Variants in UBE2E2 observed in about 807,000 individuals in gnomAD.
UBE2E2 encodes the protein ubiquitin-conjugating enzyme E2 E2.
UBE2E2 carries 6 observed loss-of-function variants against 24.7 expected under a neutral mutation model. The ratio of observed to expected loss-of-function variants is 0.24; its 90% CI spans 0.13 to 0.48. The LOEUF (loss-of-function observed/expected upper bound fraction) is 0.48. Among genes scored for constraint, UBE2E2 ranks in the 20% least tolerant of loss-of-function variants. The probability of loss-of-function intolerance (pLI) is 0.99; values close to 1 mark genes in which losing one functional copy is unlikely to be tolerated. For synonymous variants in UBE2E2, 104 were observed against 83.6 expected (o/e 1.24, Z -1.33); for missense variants, 169 against 245.0 (o/e 0.69, Z 2.07).
At chr3:23,257,515 C>G (rs1381640684) in intron 3 of UBE2E2, among the ~76,000 whole-genome samples, 1 of 5,640 alleles carries the variant, frequency 1.8e-4, no homozygotes, top group South Asian at 0.017. Context: ...TTCCCGTGCC[C>G]CCCCCCCCCC....
chr3:23,279,017 A>G (rs942136097), intron 3 of UBE2E2, among the ~76,000 whole-genome samples: 4 of 152,144 alleles, frequency 2.6e-5, no homozygotes, highest in Non-Finnish European at 5.9e-5. Flanking sequence ...ATTTATGTTC[A>G]TTTTACTGAT....
At chr3:23,352,639 A>G (rs1380877145) in intron 3 of UBE2E2, among the ~76,000 whole-genome samples, 1 of 152,230 alleles carries the variant, frequency 6.6e-6, no homozygotes, top group Non-Finnish European at 1.5e-5. Flanking sequence ...TCTAGAAGAA[A>G]TGGATAAATT....
At chr3:23,545,284 A>G (rs1307465242) in intron 5 of UBE2E2, among the ~76,000 whole-genome samples, 2 of 152,144 alleles carry the variant, frequency 1.3e-5, no homozygotes, top group Non-Finnish European at 2.9e-5. Flanking sequence ...TCACATGGAG[A>G]GAAACCTTGG....
chr3:23,465,472 A>G (rs1698901521), intron 3 of UBE2E2, among the ~76,000 whole-genome samples: 2 of 152,252 alleles, frequency 1.3e-5, no homozygotes, highest in South Asian at 2.1e-4. Context: ...AAAGGGACCA[A>G]TAGCCTTTGC....
At position 23,587,303 on chromosome 3, in the gene UBE2E2, T is replaced by G. The variant is rs117337496; in HGVS notation, c.509-2431T>G. Among the ~76,000 whole-genome samples the G allele has an allele frequency of 1.4e-4, 21 of 152,324 alleles. 1 individual carries two copies. The East Asian group carries it at 3.7e-3, about 27-fold the overall frequency. On this transcript the variant is annotated intron_variant, in intron 5 of 5. Transcript: ENST00000396703. ...CACATTTTCCCACCCCACAGCTTCTTGTTCCCTTTATTCTTCATTTGTTTC... is the reference window on the plus strand; with the variant it reads ...CACATTTTCCCACCCCACAGCTTCTGGTTCCCTTTATTCTTCATTTGTTTC...
At chr3:23,247,911 A>T (rs776900248) in intron 3 of UBE2E2, among the ~76,000 whole-genome samples, 1 of 152,230 alleles carries the variant, frequency 6.6e-6, no homozygotes, top group African/African-American at 2.4e-5. Flanking sequence ...TAGCAACTCT[A>T]AAGACTGAGT....
chr3:23,347,522 G>C (rs1695596491), intron 3 of UBE2E2, among the ~76,000 whole-genome samples: 1 of 152,038 alleles, frequency 6.6e-6, no homozygotes, highest in African/African-American at 2.4e-5. Context: ...ATGGACACAG[G>C]GAGGGGAATA....
At chr3:23,342,585 A>G (rs1039484584) in intron 3 of UBE2E2, among the ~76,000 whole-genome samples, 1 of 152,196 alleles carries the variant, frequency 6.6e-6, no homozygotes, top group Non-Finnish European at 1.5e-5. Context: ...TATAGAATGC[A>G]CATGCATTCT....
In UBE2E2 at chr3:23,342,187, G is replaced by GT. The variant is rs71620774; in HGVS notation, c.227+124890dup. 9.9e-3 allele frequency among the ~76,000 whole-genome samples: 1,406 copies of GT among 141,574 alleles called. 8 individuals are homozygous for GT. Among genetic ancestry groups the GT allele is most frequent in the African/African-American group, 0.018 (686 of 38,770 alleles). The allele number at this position is 141,574 out of a possible 152,430, so 92.9% of individuals were successfully genotyped here. ...ATGGGGGGTACTTTGATTTAGTTTA[G>GT]TTTTTTTTTTTTTTTGAGACAGGGT... On this transcript the variant is annotated intron_variant, in intron 3 of 5. Coordinates refer to ENST00000396703, the MANE Select transcript of UBE2E2 (RefSeq NM_152653.4).
intron 3 of UBE2E2, among the ~76,000 whole-genome samples, chr3:23,420,416 ATAATTT>A (rs1417589217): frequency 1.3e-5 from 2 of 152,244 alleles, no homozygotes; most frequent in Non-Finnish European, 2.9e-5. Flanking sequence ...ATTTAGAAAA[ATAATTT>A]TAATGGGCAG....
At chr3:23,425,885 C>G (rs908003993) in intron 3 of UBE2E2, among the ~76,000 whole-genome samples, 2 of 151,992 alleles carry the variant, frequency 1.3e-5, no homozygotes, top group Non-Finnish European at 2.9e-5. Flanking sequence ...TAATACACTT[C>G]GAAGAGACAG....
chr3:23,531,887 C>T (rs1695130174), intron 4 of UBE2E2, among the ~76,000 whole-genome samples: 1 of 151,942 alleles, frequency 6.6e-6, no homozygotes. Context: ...CATGGCAAAA[C>T]CCTGTCTCTA....
intron 4 of UBE2E2, among the ~76,000 whole-genome samples, chr3:23,522,389 T>C (rs983154248): frequency 9.9e-5 from 15 of 152,050 alleles, no homozygotes; most frequent in Admixed American, 2.6e-4. Context: ...GCCTCGGCCT[T>C]CCAAAGTGCT....
intron 3 of UBE2E2, among the ~76,000 whole-genome samples, chr3:23,493,729 C>G (rs1361455570): frequency 6.6e-6 from 1 of 152,092 alleles, no homozygotes; most frequent in African/African-American, 2.4e-5. Context: ...TCTGCTATAT[C>G]TAAATATACA....
chr3:23,236,146 A>G (rs188439815), intron 3 of UBE2E2, among the ~76,000 whole-genome samples: 27 of 152,294 alleles, frequency 1.8e-4, no homozygotes, highest in Admixed American at 1.6e-3. Flanking sequence ...AGAGGTTTCC[A>G]TGAAGTTGAG....
chr3:23,210,825 A>G (rs1197767112), intron 2 of UBE2E2, among the ~76,000 whole-genome samples: 1 of 152,210 alleles, frequency 6.6e-6, no homozygotes, highest in Non-Finnish European at 1.5e-5. Context: ...ATTGTGGTTC[A>G]TGATCTTCCT....
chr3:23,475,554 C>A (rs1228750222), intron 3 of UBE2E2, among the ~76,000 whole-genome samples: 6 of 152,008 alleles, frequency 3.9e-5, no homozygotes, highest in Non-Finnish European at 8.8e-5. Flanking sequence ...ATATGAAAAT[C>A]TGTTGTTCCA....
chr3:23,348,293 G>T (rs1205982894), intron 3 of UBE2E2, among the ~76,000 whole-genome samples: 1 of 145,354 alleles, frequency 6.9e-6, no homozygotes, highest in East Asian at 2.1e-4. Context: ...TGTGATGGGG[G>T]AACAGGAAAT....
At chr3:23,570,130 G>A (rs966140447) in intron 5 of UBE2E2, among the ~76,000 whole-genome samples, 1 of 152,210 alleles carries the variant, frequency 6.6e-6, no homozygotes, top group Non-Finnish European at 1.5e-5. Context: ...ATCAAAATGC[G>A]AGGAACATGG....
Sources: allele counts gnomAD v4.1 joint callset (sites outside exome capture counted in the v4.1 genomes callset), GRCh38; gene constraint gnomAD v4.1.1; transcripts MANE v1.5; gene names NCBI Gene and HGNC (gene_info 2026-07-23, HGNC 2026-07-21).